Variants in PIGV observed in about 807,000 individuals in gnomAD.
PIGV encodes GPI alpha-1,6-mannosyltransferase 2.
A neutral mutation model predicts 39.2 loss-of-function variants in PIGV; 27 were observed. That is an observed-to-expected ratio of 0.69 (90% confidence interval 0.51 to 0.95). The LOEUF (loss-of-function observed/expected upper bound fraction) is 0.95. Ranked by LOEUF, PIGV falls within the 40% of genes least tolerant of loss-of-function variation. The probability of loss-of-function intolerance (pLI) is 0.00; values close to 1 mark genes in which losing one functional copy is unlikely to be tolerated. For missense variants in PIGV, 523 were observed against 586.4 expected (o/e 0.89, Z 1.12); for synonymous variants, 232 against 241.7 (o/e 0.96, Z 0.37).
At chr1:26,793,246 C>T (rs1278436831) in intron 2 of PIGV, among the ~76,000 whole-genome samples, 2 of 152,228 alleles carry the variant, frequency 1.3e-5, no homozygotes, top group East Asian at 1.9e-4. Context: ...TGTTCACCTA[C>T]TGCCCCATTT....
Position 26,794,674 on chromosome 1 carries a change from A to G in PIGV, c.640A>G (p.Met214Val), listed in dbSNP as rs1440653895. 4 of 1,614,084 alleles carry G rather than the reference A, an allele frequency of 2.5e-6. No homozygotes were observed. Among genetic ancestry groups the G allele is most frequent in the Admixed American group, 1.7e-5 (1 of 59,998 alleles). The change falls in exon 3 of 4, where the codon ATG becomes GTG. Residue 214 changes from methionine to valine, a missense_variant. By Grantham distance (21) the Met-to-Val change is conservative (BLOSUM62 1). Coordinates refer to ENST00000674202, the MANE Select transcript of PIGV (RefSeq NM_017837.4). ...SNGLVSVGFL[M>V]HSQCQGFFSS... ...CGGGCTGGTCAGTGTTGGCTTCCTCATGCATTCTCAATGCCAAGGCTTTTT... is the reference window on the plus strand; with the variant it reads ...CGGGCTGGTCAGTGTTGGCTTCCTCGTGCATTCTCAATGCCAAGGCTTTTT...
Position 26,790,791 on chromosome 1 carries a change from C to A in PIGV, c.-25C>A. 6.2e-7 allele frequency: 1 copy of A among 1,603,366 alleles called. No homozygotes were observed. Among genetic ancestry groups the A allele is most frequent in the Non-Finnish European group, 8.5e-7 (1 of 1,170,218 alleles). ...AGGGAGCTCAATCCTGGTAGCAACA[C>A]CCCTGAATTCCTGGTGGTGAAAGGA... is the stretch of plus-strand genomic sequence containing the variant. On this transcript the variant is annotated 5_prime_UTR_variant, in exon 2 of 4. Coordinates refer to ENST00000674202, the MANE Select transcript of PIGV (RefSeq NM_017837.4).
intron 2 of PIGV, among the ~76,000 whole-genome samples, chr1:26,793,439 A>G (rs1237436975): frequency 6.6e-6 from 1 of 152,214 alleles, no homozygotes; most frequent in African/African-American, 2.4e-5. Flanking sequence ...TTGACCTACC[A>G]GCAGCATTTA....
rs1434086651 is a variant in PIGV, at chr1:26,794,660, G to C, written c.626G>C (p.Ser209Thr). Residue 209 changes from serine to threonine, a missense_variant, in exon 3 of 4, where the codon AGT becomes ACT. Coordinates refer to ENST00000674202, the MANE Select transcript of PIGV (RefSeq NM_017837.4). Reference protein sequence around the residue: ...ATGVRSNGLVSVGFLMHSQCQ... With the variant: ...ATGVRSNGLVTVGFLMHSQCQ... ...GGGGTACGCTCCAACGGGCTGGTCAGTGTTGGCTTCCTCATGCATTCTCAA... is the reference window on the plus strand; with the variant it reads ...GGGGTACGCTCCAACGGGCTGGTCACTGTTGGCTTCCTCATGCATTCTCAA... 24 of 1,614,136 alleles carry C rather than the reference G, an allele frequency of 1.5e-5. No individual in the cohort carries two copies. Among genetic ancestry groups the C allele is most frequent in the Admixed American group, 3.3e-5 (2 of 60,008 alleles).
intron 3 of PIGV, among the ~76,000 whole-genome samples, chr1:26,796,862 A>G (rs1413149218): frequency 1.3e-5 from 2 of 152,120 alleles, no homozygotes; most frequent in Non-Finnish European, 2.9e-5. Flanking sequence ...GGGATGGGAA[A>G]GGTTTGATCT....
Position 26,795,275 on chromosome 1 carries a change from G to A in PIGV, c.1200+41G>A, listed in dbSNP as rs776203378. 4.3e-6 allele frequency: 7 copies of A among 1,610,338 alleles called. No individual in the cohort carries two copies. The East Asian group carries it at 1.6e-4, about 36-fold the overall frequency. On this transcript the variant is annotated intron_variant, in intron 3 of 3. Transcript: ENST00000674202. ...GACTGGGATAAGGATGTGAATACAG[G>A]CAAAACCCCTTGGCCAAGGACAGGG...
Position 26,794,179 on chromosome 1 carries a change from T to C in PIGV, c.145T>C (p.Ser49Pro). 6.2e-7 allele frequency: 1 copy of C among 1,614,212 alleles called. No individual in the cohort carries two copies. Among genetic ancestry groups the C allele is most frequent in the South Asian group, 1.1e-5 (1 of 91,086 alleles). The change falls in exon 3 of 4, where the codon TCA (serine) becomes CCA (proline). Residue 49 changes from serine (S) to proline (P), a missense_variant. Physicochemically the swap from Ser to Pro is moderately conservative, Grantham distance 74. Transcript: ENST00000674202. ...CTTCTCTCCTCCTCGCCTGGCCCCC[T>C]CAGGCTTTGTGGACCAACTCGTGGA... Reference protein sequence around the residue: ...EAFSPPRLAPSGFVDQLVEGL... With the variant: ...EAFSPPRLAPPGFVDQLVEGL...
Position 26,797,617 on chromosome 1 carries a change from C to A in PIGV, c.1255C>A (p.His419Asn), listed in dbSNP as rs778762487. 1 of 1,614,108 alleles carries A rather than the reference C, an allele frequency of 6.2e-7. No individual in the cohort carries two copies. The highest frequency in any genetic ancestry group is 8.5e-7 in the Non-Finnish European group (1 of 1,179,968). The change falls in exon 4 of 4, where the codon CAC becomes AAC. Residue 419 changes from histidine to asparagine, a missense_variant. Transcript: ENST00000674202. ...TCCTATTATGTACTGGTTTCCAGCT[C>A]ACTTGCTTCAGGATCAAGAGCCGCT... ...STPIMYWFPA[H>N]LLQDQEPLLR...
At chr1:26,793,116 T>C (rs1303283917) in intron 2 of PIGV, among the ~76,000 whole-genome samples, 1 of 152,200 alleles carries the variant, frequency 6.6e-6, no homozygotes, top group Non-Finnish European at 1.5e-5. Flanking sequence ...CTTTGTACCC[T>C]TTTTGCCTAC....
chr1:26,796,642 G>A (rs2081388248), intron 3 of PIGV, among the ~76,000 whole-genome samples: 2 of 152,194 alleles, frequency 1.3e-5, no homozygotes. Flanking sequence ...GCAAAAACAC[G>A]AGGGTTGTGA....
Position 26,797,686 on chromosome 1 carries a change from G to A in PIGV, c.1324G>A (p.Asp442Asn). Residue 442 changes from aspartate (D) to asparagine (N), a missense_variant, in exon 4 of 4, where the codon GAC becomes AAC. Coordinates refer to ENST00000674202, the MANE Select transcript of PIGV (RefSeq NM_017837.4). ...TGTGCCTTGGAAGCCTCTTGCAGAGGACTCCCCACCAGGACAAAAGGTCCC... is the reference window on the plus strand; with the variant it reads ...TGTGCCTTGGAAGCCTCTTGCAGAGAACTCCCCACCAGGACAAAAGGTCCC... ...KTVPWKPLAE[D>N]SPPGQKVPRN... 3 of 1,614,170 alleles carry A rather than the reference G, an allele frequency of 1.9e-6. No individual in the cohort carries two copies. Among genetic ancestry groups the A allele is most frequent in the Non-Finnish European group, 2.5e-6 (3 of 1,180,024 alleles).
chr1:26,796,587 A>G (rs1055188508), intron 3 of PIGV, among the ~76,000 whole-genome samples: 2 of 152,230 alleles, frequency 1.3e-5, no homozygotes, highest in East Asian at 1.9e-4. Flanking sequence ...GATTTTCCAT[A>G]TAAGAAGCAG....
At chr1:26,789,501 A>G (rs1294381457) in intron 1 of PIGV, among the ~76,000 whole-genome samples, 15 of 152,242 alleles carry the variant, frequency 9.9e-5, no homozygotes, top group Admixed American at 8.5e-4. Context: ...ATCTAGAGTC[A>G]GTGAACTGCT....
Position 26,794,776 on chromosome 1 carries a change from C to T in PIGV, c.742C>T (p.Leu248Phe), listed in dbSNP as rs750687040. The part of the protein sequence containing the change: ...MASLFLSVFT[L>F]GLPFALFQYY... ...CTCTCTGTTTCTGTCGGTGTTCACA[C>T]TTGGCCTTCCCTTTGCCCTCTTTCA... The change falls in exon 3 of 4, where the codon CTT becomes TTT. Residue 248 changes from leucine to phenylalanine, a missense_variant. Physicochemically the swap from Leu to Phe is conservative, Grantham distance 22. Transcript: ENST00000674202. The T allele has an allele frequency of 5.6e-6, 9 of 1,614,054 alleles. No individual in the cohort carries two copies. The highest frequency in any genetic ancestry group is 3.3e-4 in the Middle Eastern group (2 of 6,084).
intron 3 of PIGV, among the ~76,000 whole-genome samples, chr1:26,796,935 G>A (rs1369689009): frequency 3.3e-5 from 5 of 152,254 alleles, no homozygotes; most frequent in East Asian, 1.9e-4. Context: ...TCCCCATGCC[G>A]ACCTCTTAGC....
Position 26,794,897 on chromosome 1 carries a change from C to T in PIGV, c.863C>T (p.Ala288Val), listed in dbSNP as rs1376564813. The change falls in exon 3 of 4, where the codon GCA becomes GTA. Residue 288 changes from alanine to valine, a missense_variant. Ala to Val is a moderately conservative substitution (Grantham distance 64). Coordinates refer to ENST00000674202, the MANE Select transcript of PIGV (RefSeq NM_017837.4). The part of the protein sequence containing the change: ...QLAVDKGYRI[A>V]EGNEPPWCFW... ...GCTGTAGACAAGGGCTACCGGATTG[C>T]AGAGGGAAATGAACCGCCTTGGTGC... 3 of 1,614,052 alleles carry T rather than the reference C, an allele frequency of 1.9e-6. No individual in the cohort carries two copies. The highest frequency in any genetic ancestry group is 2.7e-5 in the African/African-American group (2 of 74,922).
chr1:26,796,337 T>C (rs982956231), intron 3 of PIGV, among the ~76,000 whole-genome samples: 1 of 151,872 alleles, frequency 6.6e-6, no homozygotes, highest in Non-Finnish European at 1.5e-5. Context: ...CCTGGCTAAT[T>C]TTTTGTATTT....
chr1:26,796,641 C>T lies in PIGV; in HGVS notation c.1201-922C>T, dbSNP rs114617410. ...AAAAGGAAGGGCATATGCAAAAACACGAGGGTTGTGAAAGGACCTGATTGG... is the reference window on the plus strand; with the variant it reads ...AAAAGGAAGGGCATATGCAAAAACATGAGGGTTGTGAAAGGACCTGATTGG... On this transcript the variant is annotated intron_variant, in intron 3 of 3. Transcript: ENST00000674202. Among the ~76,000 whole-genome samples the T allele has an allele frequency of 2.5e-3, 374 of 152,212 alleles. 3 individuals carry two copies. The highest frequency in any genetic ancestry group is 8.1e-3 in the African/African-American group (337 of 41,536).
rs1306086594 is a variant in PIGV, at chr1:26,794,895, T to C, written c.861T>C (p.Ile287=). Residue 287 remains isoleucine, a synonymous_variant, in exon 3 of 4, where the codon ATT becomes ATC. Transcript: ENST00000674202. ...VQLAVDKGYR[I]AEGNEPPWCF... is the part of the protein sequence containing the mutation. Reference sequence around the variant, plus strand: ...TAGCTGTAGACAAGGGCTACCGGATTGCAGAGGGAAATGAACCGCCTTGGT... The same window carrying C: ...TAGCTGTAGACAAGGGCTACCGGATCGCAGAGGGAAATGAACCGCCTTGGT... 8 of 1,614,104 alleles carry C rather than the reference T, an allele frequency of 5.0e-6. No homozygotes were observed. Among genetic ancestry groups the C allele is most frequent in the Non-Finnish European group, 6.8e-6 (8 of 1,180,044 alleles).
Sources: allele counts gnomAD v4.1 joint callset (sites outside exome capture counted in the v4.1 genomes callset), GRCh38; gene constraint gnomAD v4.1.1; transcripts MANE v1.5; gene names NCBI Gene and HGNC (gene_info 2026-07-23, HGNC 2026-07-21).